SLC4A4: variants seen among roughly 807,000 people sequenced by gnomAD.
SLC4A4 encodes solute carrier family 4 member 4.
SLC4A4 carries 27 observed loss-of-function variants against 111.5 expected under a neutral mutation model. The ratio of observed to expected loss-of-function variants is 0.24; its 90% CI spans 0.18 to 0.33. The LOEUF (loss-of-function observed/expected upper bound fraction) is 0.33. Among genes scored for constraint, SLC4A4 ranks in the 10% least tolerant of loss-of-function variants. The probability of loss-of-function intolerance (pLI) is 1.00; values close to 1 mark genes in which losing one functional copy is unlikely to be tolerated. For synonymous variants in SLC4A4, 443 were observed against 463.4 expected (o/e 0.96, Z 0.57); for missense variants, 909 against 1,315.5 (o/e 0.69, Z 4.78).
intron 16 of SLC4A4, among the ~76,000 whole-genome samples, chr4:71,502,149 C>T (rs1043722609): frequency 6.6e-6 from 1 of 151,982 alleles, no homozygotes; most frequent in Non-Finnish European, 1.5e-5. Context: ...TTTGTGGAGA[C>T]GAGGTTTCAC....
rs756988866 is a variant in SLC4A4 at position 71,339,399 on chromosome 4, A to G, written c.283A>G (p.Ile95Val). 2.5e-6 allele frequency: 4 copies of G among 1,614,030 alleles called. No homozygotes were observed. The highest frequency in any genetic ancestry group is 3.4e-6 in the Non-Finnish European group (4 of 1,180,022). Residue 95 changes from isoleucine (I) to valine (V), a missense_variant, in exon 4 of 26, where the codon ATC (isoleucine) becomes GTC (valine). Coordinates refer to ENST00000264485, the MANE Select transcript of SLC4A4 (RefSeq NM_001098484.3). ...ISPAAERIRFILGEEDDSPAP... is the reference protein window; with the variant it reads ...ISPAAERIRFVLGEEDDSPAP... Reference sequence around the variant, plus strand: ...TCCTGCTGCAGAACGCATCCGATTCATCTTGGGAGAGGAGGATGACAGCCC... The same window carrying G: ...TCCTGCTGCAGAACGCATCCGATTCGTCTTGGGAGAGGAGGATGACAGCCC...
intron 2 of SLC4A4, among the ~76,000 whole-genome samples, chr4:71,137,359 T>C (rs1743873549): frequency 6.6e-6 from 1 of 152,232 alleles, no homozygotes. Context: ...TGATCACTTA[T>C]CTATCTAGAC....
At chr4:71,337,128 G>T (rs1024919917) in intron 3 of SLC4A4, among the ~76,000 whole-genome samples, 3 of 152,114 alleles carry the variant, frequency 2.0e-5, no homozygotes, top group African/African-American at 7.2e-5. Context: ...TGTTAGTTAC[G>T]TAGTGATTTA....
intron 25 of SLC4A4, 120 bp downstream of exon 25, chr4:71,567,203 AT>A: frequency 1.2e-6 from 1 of 827,814 alleles, no homozygotes; most frequent in East Asian, 2.8e-5. Context: ...TTTATCTTAA[AT>A]AAATTACCCA....
chr4:71,112,299 C>T (rs115894634), intron 2 of SLC4A4, among the ~76,000 whole-genome samples: 16 of 152,296 alleles, frequency 1.1e-4, no homozygotes, highest in Admixed American at 3.9e-4. Flanking sequence ...TCTCTATTTG[C>T]GTCATAGGAG....
chr4:71,176,941 A>T (rs1312328385), intron 2 of SLC4A4, among the ~76,000 whole-genome samples: 1 of 152,246 alleles, frequency 6.6e-6, no homozygotes, highest in Non-Finnish European at 1.5e-5. Context: ...AGGTCGGGTT[A>T]CTCACAAAGG....
At chr4:71,345,306 C>CT (rs912147344) in intron 4 of SLC4A4, among the ~76,000 whole-genome samples, 18 of 151,520 alleles carry the variant, frequency 1.2e-4, no homozygotes, top group Middle Eastern at 3.4e-3. Context: ...GAGAAAGGGA[C>CT]TTTTTTTTTC....
At chr4:71,232,006 G>T (rs182559320) in intron 1 of SLC4A4, among the ~76,000 whole-genome samples, 1 of 152,182 alleles carries the variant, frequency 6.6e-6, no homozygotes, top group South Asian at 2.1e-4. Flanking sequence ...CCTGTATTTT[G>T]TGCAGAAGCC....
chr4:71,252,165 A>G (rs1721109346), intron 2 of SLC4A4, among the ~76,000 whole-genome samples: 1 of 152,202 alleles, frequency 6.6e-6, no homozygotes. Flanking sequence ...TTCAACAGTA[A>G]TGATGCTTCT....
intron 2 of SLC4A4, among the ~76,000 whole-genome samples, chr4:71,105,832 T>G (rs1400443405): frequency 1.5e-5 from 1 of 68,824 alleles, no homozygotes; most frequent in African/African-American, 3.5e-5. Flanking sequence ...GAAGAAAACC[T>G]AGGCATTACC....
Position 71,213,635 on chromosome 4 carries a change from C to T in SLC4A4, c.-1-22941C>T, listed in dbSNP as rs1485553338. 5.3e-5 allele frequency among the ~76,000 whole-genome samples: 8 copies of T among 152,220 alleles called. No homozygotes were observed. In the South Asian group the frequency reaches 1.5e-3, roughly 28 times the overall value. On this transcript the variant is annotated intron_variant, in intron 1 of 25. Coordinates refer to ENST00000264485, the MANE Select transcript of SLC4A4 (RefSeq NM_001098484.3). ...CTGATATGGACTGAATGTCTGTATC[C>T]ACCCTGACCCCCACCCAGAGTCATA...
chr4:71,431,686 A>G (rs1030698319), intron 7 of SLC4A4, among the ~76,000 whole-genome samples: 19 of 151,826 alleles, frequency 1.3e-4, no homozygotes, highest in African/African-American at 4.6e-4. Flanking sequence ...TAGAATAGCT[A>G]TTGGTTTCTC....
chr4:71,422,191 A>G (rs1473285792), intron 7 of SLC4A4, among the ~76,000 whole-genome samples: 2 of 138,888 alleles, frequency 1.4e-5, no homozygotes, highest in Admixed American at 7.3e-5. Flanking sequence ...AACTACCATC[A>G]GAGAATACTA....
At chr4:71,371,425 G>C (rs547413239) in intron 6 of SLC4A4, among the ~76,000 whole-genome samples, 6 of 151,790 alleles carry the variant, frequency 4.0e-5, no homozygotes, top group South Asian at 4.2e-4. Context: ...TGTATTTTTA[G>C]TAGAGACGGG....
upstream of SLC4A4, among the ~76,000 whole-genome samples, chr4:71,183,006 C>T (rs750730267): frequency 7.9e-5 from 12 of 152,194 alleles, 1 homozygote; most frequent in East Asian, 1.2e-3. Context: ...ACAGAGCTTT[C>T]GTAATAAATA....
chr4:71,458,729 G>A (rs1577955319), intron 12 of SLC4A4, among the ~76,000 whole-genome samples: 2 of 152,000 alleles, frequency 1.3e-5, no homozygotes, highest in Non-Finnish European at 2.9e-5. Flanking sequence ...GATGTTCCTT[G>A]ATAAGATAGA....
At chr4:71,211,951 T>G (rs1044043428) in intron 1 of SLC4A4, among the ~76,000 whole-genome samples, 4 of 152,146 alleles carry the variant, frequency 2.6e-5, no homozygotes, top group African/African-American at 2.4e-5. Flanking sequence ...AAGACAGGGT[T>G]TGTAAGATTT....
At chr4:71,415,730 C>A (rs1026529740) in intron 7 of SLC4A4, among the ~76,000 whole-genome samples, 4 of 152,088 alleles carry the variant, frequency 2.6e-5, no homozygotes, top group Non-Finnish European at 4.4e-5. Context: ...TGCTCTGTCA[C>A]CCCCTTTATC....
At chr4:71,305,545 AC>A (rs1327371172) in intron 3 of SLC4A4, among the ~76,000 whole-genome samples, 14 of 152,246 alleles carry the variant, frequency 9.2e-5, no homozygotes, top group Non-Finnish European at 1.6e-4. Flanking sequence ...AGCAAAAGAT[AC>A]TAGTGTGATG....
Sources: allele counts gnomAD v4.1 joint callset (sites outside exome capture counted in the v4.1 genomes callset), GRCh38; gene constraint gnomAD v4.1.1; transcripts MANE v1.5; gene names NCBI Gene and HGNC (gene_info 2026-07-23, HGNC 2026-07-21).